Variants in COL14A1 observed in about 807,000 individuals in gnomAD.
The protein encoded by COL14A1 is collagen type XIV alpha 1 chain.
Under a neutral mutation model 230.3 loss-of-function variants are expected in COL14A1, and 136 were observed. The ratio of observed to expected loss-of-function variants is 0.59; its 90% CI spans 0.51 to 0.68. COL14A1 has a LOEUF of 0.68. Among genes scored for constraint, COL14A1 ranks in the 30% least tolerant of loss-of-function variants. COL14A1 has a pLI of 0.00. For synonymous variants in COL14A1, 792 were observed against 784.1 expected, an observed-to-expected ratio of 1.01 and a Z score of -0.17; for missense variants, 1,976 against 2,215.8, an observed-to-expected ratio of 0.89 and a Z score of 2.17.
intron 45 of COL14A1, among the ~76,000 whole-genome samples, chr8:120,363,645 T>C (rs923023815): frequency 2.0e-5 from 3 of 152,206 alleles, no homozygotes; most frequent in Non-Finnish European, 4.4e-5. Flanking sequence ...TGAATTCATT[T>C]AGTCTTCCAG....
chr8:120,206,374 A>G (rs1325220805), intron 9 of COL14A1, among the ~76,000 whole-genome samples: 1 of 152,174 alleles, frequency 6.6e-6, no homozygotes, highest in African/African-American at 2.4e-5. Flanking sequence ...TTTTGGAGGC[A>G]GAGTGTTGCT....
At chr8:120,249,217 CTA>C (rs1810427168) in intron 21 of COL14A1, among the ~76,000 whole-genome samples, 1 of 151,860 alleles carries the variant, frequency 6.6e-6, no homozygotes, top group Admixed American at 6.6e-5. Context: ...CGCGCCCGGC[CTA>C]GTTTCAATCT....
chr8:120,325,779 C>T (rs1279187766), intron 40 of COL14A1, among the ~76,000 whole-genome samples: 1 of 152,174 alleles, frequency 6.6e-6, no homozygotes, highest in East Asian at 1.9e-4. Context: ...AGCCATGAGC[C>T]ACTGCACCTG....
At chr8:120,367,091 T>G (rs572017013) in intron 45 of COL14A1, 80 bp from the exon 46 acceptor site, 1 of 1,192,364 alleles carries the variant, frequency 8.4e-7, no homozygotes, top group South Asian at 1.5e-5. Context: ...GAGAAGCACT[T>G]TCGAACTCCA....
intron 2 of COL14A1, among the ~76,000 whole-genome samples, chr8:120,155,602 C>T (rs936839371): frequency 3.3e-5 from 5 of 152,138 alleles, no homozygotes; most frequent in Non-Finnish European, 7.4e-5. Flanking sequence ...AGATTGAAGC[C>T]TCCATCCTAT....
chr8:120,251,793 A>G (rs1479044203), intron 22 of COL14A1, among the ~76,000 whole-genome samples: 1 of 152,184 alleles, frequency 6.6e-6, no homozygotes, highest in Non-Finnish European at 1.5e-5. Context: ...AAATTTTCAT[A>G]GATACCCTAG....
At chr8:120,248,524 G>C (rs529660582) in intron 21 of COL14A1, among the ~76,000 whole-genome samples, 2 of 152,120 alleles carry the variant, frequency 1.3e-5, no homozygotes, top group Non-Finnish European at 2.9e-5. Flanking sequence ...TCAGCAGAAA[G>C]GGCAGGAAAA....
At chr8:120,302,492 A>G (rs1351499218) in intron 36 of COL14A1, among the ~76,000 whole-genome samples, 1 of 152,188 alleles carries the variant, frequency 6.6e-6, no homozygotes, top group Non-Finnish European at 1.5e-5. Context: ...ATTATTGAAT[A>G]GGGAATCCTT....
At chr8:120,218,855 A>G (rs1477100183) in intron 14 of COL14A1, among the ~76,000 whole-genome samples, 1 of 152,104 alleles carries the variant, frequency 6.6e-6, no homozygotes, top group Non-Finnish European at 1.5e-5. Flanking sequence ...ATTCCTGGAG[A>G]GATACCAGTG....
intron 35 of COL14A1, 103 bp from the exon 36 acceptor site, chr8:120,300,629 G>C: frequency 1.1e-6 from 1 of 899,234 alleles, no homozygotes; most frequent in Non-Finnish European, 1.8e-6. Flanking sequence ...ATGTGCACTT[G>C]AAAATCTAAA....
At chr8:120,251,455 T>C (rs1182813906) in intron 22 of COL14A1, among the ~76,000 whole-genome samples, 4 of 152,132 alleles carry the variant, frequency 2.6e-5, no homozygotes, top group Non-Finnish European at 5.9e-5. Context: ...CAAAAGTACA[T>C]GCCACCCCAT....
rs531758375 is a variant in COL14A1, at chr8:120,203,738, C to G, written c.907C>G (p.Gln303Glu). The G allele has an allele frequency of 1.9e-5, 30 of 1,613,786 alleles. No individual in the cohort carries two copies. The African/African-American group carries it at 1.9e-4, about 10-fold the overall frequency. The change falls in exon 9 of 48, where the codon CAG becomes GAG. Residue 303 changes from glutamine to glutamate, a missense_variant. Gln to Glu is a conservative substitution (Grantham distance 29). Transcript: ENST00000297848. ...GVKNADVNEL[Q>E]EIASEPDSTH... ...GAAAAACGCGGATGTGAATGAGCTG[C>G]AGGAGATCGCCTCTGAACCAGACAG...
At chr8:120,370,570 C>CTT (rs1301175428) in intron 47 of COL14A1, 91 of 1,458,670 alleles carry the variant, frequency 6.2e-5, no homozygotes, top group Admixed American at 1.5e-4. Context: ...AACATCGGAA[C>CTT]TTAACCAAAT....
chr8:120,152,344 T>C (rs1445081153), intron 2 of COL14A1, among the ~76,000 whole-genome samples: 1 of 151,486 alleles, frequency 6.6e-6, no homozygotes, highest in Non-Finnish European at 1.5e-5. Context: ...GCGCCTGTAG[T>C]CTGTAGTCCT....
At chr8:120,265,714 CTTGT>C (rs1185678494) in intron 24 of COL14A1, among the ~76,000 whole-genome samples, 2 of 151,858 alleles carry the variant, frequency 1.3e-5, no homozygotes, top group Non-Finnish European at 2.9e-5. Flanking sequence ...TATTCTGTGA[CTTGT>C]TTATTTCACA....
At chr8:120,243,535 A>G (rs1377720324) in intron 19 of COL14A1, among the ~76,000 whole-genome samples, 3 of 152,248 alleles carry the variant, frequency 2.0e-5, no homozygotes, top group Non-Finnish European at 4.4e-5. Context: ...AGGCTGGATT[A>G]TAGAATGAGC....
intron 9 of COL14A1, among the ~76,000 whole-genome samples, chr8:120,205,620 T>C (rs2130742739): frequency 6.6e-6 from 1 of 152,216 alleles, no homozygotes; most frequent in East Asian, 1.9e-4. Flanking sequence ...TACATGTCCT[T>C]CTCTCTATCA....
chr8:120,257,277 C>T (rs938525165), intron 23 of COL14A1, among the ~76,000 whole-genome samples: 2 of 152,108 alleles, frequency 1.3e-5, no homozygotes, highest in African/African-American at 2.4e-5. Context: ...TGAACAAGAA[C>T]GAACAAAAGT....
Position 120,263,033 on chromosome 8 carries a change from C to T in COL14A1, c.3016+19C>T, listed in dbSNP as rs767938703. Reference sequence around the variant, plus strand: ...AAAACACGTAAGTCATGTGTGTTCTCTCCTGATCCCTCTCCCCATGAACAA... The same window carrying T: ...AAAACACGTAAGTCATGTGTGTTCTTTCCTGATCCCTCTCCCCATGAACAA... On this transcript the variant is annotated intron_variant, in intron 24 of 47. Transcript: ENST00000297848. The T allele has an allele frequency of 1.8e-4, 282 of 1,568,542 alleles. No individual in the cohort carries two copies. Among genetic ancestry groups the T allele is most frequent in the Non-Finnish European group, 2.3e-4 (269 of 1,161,482 alleles).
Sources: allele counts gnomAD v4.1 joint callset (sites outside exome capture counted in the v4.1 genomes callset), GRCh38; gene constraint gnomAD v4.1.1; transcripts MANE v1.5; gene names NCBI Gene and HGNC (gene_info 2026-07-23, HGNC 2026-07-21).